The following ANKS1B variants were observed in gnomAD, a reference collection of about 807,000 sequenced individuals.
ANKS1B encodes the protein ankyrin repeat and sterile alpha motif domain-containing protein 1B.
A neutral mutation model predicts 148.3 loss-of-function variants in ANKS1B; 36 were observed. The ratio of observed to expected loss-of-function variants is 0.24; its 90% CI spans 0.19 to 0.32. The LOEUF (loss-of-function observed/expected upper bound fraction) is 0.32, where lower values mean the gene tolerates loss of function less well. ANKS1B is among the 10% of genes least tolerant of loss of function. The pLI, the probability that ANKS1B is intolerant of heterozygous loss-of-function variation, is 1.00. For synonymous variants in ANKS1B, 542 were observed against 560.8 expected (o/e 0.97, Z 0.47); for missense variants, 1,157 against 1,542.6 (o/e 0.75, Z 4.19).
chr12:98,836,404 C>T (rs565137010), intron 17 of ANKS1B, among the ~76,000 whole-genome samples: 45 of 152,220 alleles, frequency 3.0e-4, no homozygotes, highest in African/African-American at 9.6e-4. Flanking sequence ...AGATTCAATC[C>T]GAGCTGGCTC....
At chr12:99,758,562 G>A (rs1230474768) in intron 8 of ANKS1B, among the ~76,000 whole-genome samples, 4 of 151,378 alleles carry the variant, frequency 2.6e-5, no homozygotes, top group African/African-American at 9.7e-5. Context: ...TAAACATCAG[G>A]GAAATATTTA....
chr12:99,384,794 T>C (rs2093789618), intron 12 of ANKS1B, among the ~76,000 whole-genome samples: 2 of 152,246 alleles, frequency 1.3e-5, no homozygotes, highest in Admixed American at 1.3e-4. Flanking sequence ...TATGTTCATA[T>C]TGTACTTACT....
chr12:99,471,033 G>C (rs1314618211), intron 10 of ANKS1B, among the ~76,000 whole-genome samples: 1 of 151,954 alleles, frequency 6.6e-6, no homozygotes, highest in African/African-American at 2.4e-5. Flanking sequence ...ACATACTTTG[G>C]GAAAAGTTTG....
chr12:98,955,591 G>A (rs909543735), intron 17 of ANKS1B, among the ~76,000 whole-genome samples: 1 of 152,182 alleles, frequency 6.6e-6, no homozygotes, highest in African/African-American at 2.4e-5. Flanking sequence ...TGGAAGAGGT[G>A]AGAGGCAGTT....
chr12:99,429,856 C>T (rs1002484876), intron 11 of ANKS1B, among the ~76,000 whole-genome samples: 2 of 151,842 alleles, frequency 1.3e-5, no homozygotes, highest in Admixed American at 6.6e-5. Flanking sequence ...CCCAGCTACT[C>T]GGGCAGCTGA....
intron 12 of ANKS1B, 50 bp downstream of exon 12, chr12:99,399,581 T>C (rs2094348458): frequency 1.3e-6 from 2 of 1,580,816 alleles, no homozygotes; most frequent in Non-Finnish European, 1.7e-6. Context: ...AACTCATAAA[T>C]ACTTCAGTCT....
intron 12 of ANKS1B, among the ~76,000 whole-genome samples, chr12:99,395,038 C>G (rs2094200405): frequency 6.6e-6 from 1 of 152,116 alleles, no homozygotes; most frequent in South Asian, 2.1e-4. Flanking sequence ...TATACCATGT[C>G]CACTCCACCA....
intron 14 of ANKS1B, among the ~76,000 whole-genome samples, chr12:99,172,506 T>C (rs754380427): frequency 6.6e-6 from 1 of 152,180 alleles, no homozygotes; most frequent in Non-Finnish European, 1.5e-5. Context: ...CAAATATTCT[T>C]AGTTTCCTAG....
intron 14 of ANKS1B, among the ~76,000 whole-genome samples, chr12:99,232,567 C>A (rs2087059028): frequency 6.6e-6 from 1 of 152,180 alleles, no homozygotes; most frequent in African/African-American, 2.4e-5. Flanking sequence ...CTTAAGTGAT[C>A]CTCCATCCCA....
At chr12:99,723,865 T>G (rs955010486) in intron 8 of ANKS1B, among the ~76,000 whole-genome samples, 13 of 152,058 alleles carry the variant, frequency 8.5e-5, no homozygotes, top group Non-Finnish European at 1.9e-4. Context: ...AGATGAATAG[T>G]GCCTGAAGTG....
chr12:99,221,599 A>G (rs1475220218), intron 14 of ANKS1B, among the ~76,000 whole-genome samples: 1 of 152,192 alleles, frequency 6.6e-6, no homozygotes, highest in Non-Finnish European at 1.5e-5. Context: ...AAAAAAGCTC[A>G]ATTTTATTCA....
chr12:99,840,556 G>A lies in ANKS1B; in HGVS notation c.135-15167C>T, dbSNP rs1307170713. Among the ~76,000 whole-genome samples, 5 of 152,124 alleles carry A rather than the reference G, an allele frequency of 3.3e-5. No individual in the cohort carries two copies. In the East Asian group the frequency reaches 9.6e-4, roughly 29 times the overall value. ...GATGATGACGGCTTAGAGCAAAGGG[G>A]TAGCATCATGTAGAGGGAAAAAATG... On this transcript the variant is annotated intron_variant, in intron 1 of 26. Transcript: ENST00000683438.
At chr12:99,927,405 C>T (rs1368017912) in intron 1 of ANKS1B, among the ~76,000 whole-genome samples, 1 of 152,108 alleles carries the variant, frequency 6.6e-6, no homozygotes, top group Non-Finnish European at 1.5e-5. Flanking sequence ...CAAATGTTTT[C>T]TAAAATCTGT....
intron 9 of ANKS1B, among the ~76,000 whole-genome samples, chr12:99,555,240 G>T (rs534095668): frequency 1.3e-5 from 2 of 152,018 alleles, no homozygotes; most frequent in African/African-American, 4.8e-5. Flanking sequence ...CCCAACTACC[G>T]TCCACAATGG....
chr12:99,175,400 T>A (rs1411454972), intron 14 of ANKS1B, among the ~76,000 whole-genome samples: 1 of 152,212 alleles, frequency 6.6e-6, no homozygotes, highest in African/African-American at 2.4e-5. Flanking sequence ...TGGAATTCAT[T>A]TGTGTTTCAT....
At chr12:99,535,615 T>C (rs567384279) in intron 9 of ANKS1B, among the ~76,000 whole-genome samples, 1 of 152,270 alleles carries the variant, frequency 6.6e-6, no homozygotes, top group Non-Finnish European at 1.5e-5. Flanking sequence ...TTCAACTGTA[T>C]GCCAAGGCTC....
At chr12:99,123,634 C>T (rs2063524895) in intron 15 of ANKS1B, among the ~76,000 whole-genome samples, 1 of 152,088 alleles carries the variant, frequency 6.6e-6, no homozygotes, top group African/African-American at 2.4e-5. Context: ...GCCTAAGGCC[C>T]GAGAGCCCCT....
intron 17 of ANKS1B, among the ~76,000 whole-genome samples, chr12:98,851,656 G>A (rs904847977): frequency 6.6e-6 from 1 of 152,108 alleles, no homozygotes; most frequent in African/African-American, 2.4e-5. Context: ...AAAGTGCTTG[G>A]AAAGATGTCC....
intron 25 of ANKS1B, among the ~76,000 whole-genome samples, chr12:98,771,617 G>A (rs1393748700): frequency 2.0e-5 from 3 of 152,046 alleles, no homozygotes; most frequent in Admixed American, 6.6e-5. Context: ...GGGACTACAG[G>A]CATGTGCTAT....
Sources: gnomAD v4.1 joint callset for allele counts (sites outside exome capture counted in the v4.1 genomes callset) on GRCh38, gnomAD v4.1.1 for gene constraint, MANE v1.5 for transcripts, NCBI Gene and HGNC (gene_info 2026-07-23, HGNC 2026-07-21) for gene names.